The following DPP10 variants were observed in gnomAD, a reference collection of about 807,000 sequenced individuals.
DPP10 encodes dipeptidyl peptidase like 10.
A neutral mutation model predicts 120.9 loss-of-function variants in DPP10; 33 were observed. The observed-to-expected ratio is 0.27, with a 90% CI of 0.21 to 0.37. DPP10 has a LOEUF of 0.37. DPP10 is among the 10% of genes least tolerant of loss of function. The pLI is 1.00. For synonymous variants in DPP10, 337 were observed against 326.1 expected (o/e 1.03, Z -0.36); for missense variants, 816 against 942.8 (o/e 0.87, Z 1.76).
chr2:115,076,092 T>A (rs1369393324), intron 1 of DPP10, among the ~76,000 whole-genome samples: 1 of 152,122 alleles, frequency 6.6e-6, no homozygotes, highest in African/African-American at 2.4e-5. Flanking sequence ...CACATCTACC[T>A]TATAAAGATT....
chr2:115,380,311 C>T (rs192538752), intron 3 of DPP10, among the ~76,000 whole-genome samples: 1,713 of 152,186 alleles, frequency 0.011, 28 homozygotes, highest in African/African-American at 0.039. Context: ...ATTTAATGGC[C>T]TTCTTTGTCT....
intron 1 of DPP10, among the ~76,000 whole-genome samples, chr2:115,040,301 A>C (rs1393853542): frequency 6.6e-6 from 1 of 151,928 alleles, no homozygotes; most frequent in Admixed American, 6.6e-5. Flanking sequence ...CTGTGGGTAA[A>C]GTCCTTCTTC....
chr2:115,501,245 A>G (rs1293466170), intron 4 of DPP10, among the ~76,000 whole-genome samples: 2 of 152,052 alleles, frequency 1.3e-5, no homozygotes, highest in East Asian at 1.9e-4. Flanking sequence ...GTTTTCCCCC[A>G]TCACTAATTA....
At chr2:114,854,510 A>G (rs1689217840) in intron 1 of DPP10, among the ~76,000 whole-genome samples, 1 of 152,100 alleles carries the variant, frequency 6.6e-6, no homozygotes, top group South Asian at 2.1e-4. Context: ...TTGGCATTAC[A>G]CTCTCTGTCG....
chr2:115,295,299 G>A (rs1004630821), intron 1 of DPP10, among the ~76,000 whole-genome samples: 2 of 152,076 alleles, frequency 1.3e-5, no homozygotes, highest in Admixed American at 1.3e-4. Context: ...CAAATGATGT[G>A]AAATGCATAC....
At chr2:115,084,189 C>T (rs951000338) in intron 1 of DPP10, among the ~76,000 whole-genome samples, 6 of 152,158 alleles carry the variant, frequency 3.9e-5, no homozygotes, top group Non-Finnish European at 7.4e-5. Flanking sequence ...TCTGTGAAGT[C>T]AAGTACTGTA....
chr2:114,704,572 A>G (rs1056311092), intron 1 of DPP10, among the ~76,000 whole-genome samples: 41 of 152,336 alleles, frequency 2.7e-4, no homozygotes, highest in African/African-American at 9.1e-4. Flanking sequence ...TTGCAGGGTC[A>G]TTATGGCCCA....
chr2:115,165,664 A>T lies in DPP10; in HGVS notation c.61-143575A>T, dbSNP rs1396169573. Reference sequence around the variant, plus strand: ...ACGTTTGTTAAATGAGTATATATATATTTTTAATGGTCAATCAGACAAGGT... The same window carrying T: ...ACGTTTGTTAAATGAGTATATATATTTTTTTAATGGTCAATCAGACAAGGT... On this transcript the variant is annotated intron_variant, in intron 1 of 25. Coordinates refer to ENST00000410059, the MANE Select transcript of DPP10 (RefSeq NM_020868.6). 2.6e-5 allele frequency among the ~76,000 whole-genome samples: 4 copies of T among 152,116 alleles called. No homozygotes were observed. The East Asian group carries it at 7.7e-4, about 29-fold the overall frequency.
intron 2 of DPP10, among the ~76,000 whole-genome samples, chr2:115,332,877 G>T (rs2062843281): frequency 6.6e-6 from 1 of 152,066 alleles, no homozygotes; most frequent in Non-Finnish European, 1.5e-5. Context: ...GGTGTGGTGT[G>T]GTGCTGAAAA....
chr2:115,352,693 A>T (rs10496489), intron 3 of DPP10, among the ~76,000 whole-genome samples: 1 of 151,928 alleles, frequency 6.6e-6, no homozygotes, highest in African/African-American at 2.4e-5. Flanking sequence ...CTCATTGAGC[A>T]CAAATCTTTC....
At chr2:114,619,005 A>G (rs1693881977) in intron 1 of DPP10, among the ~76,000 whole-genome samples, 1 of 152,014 alleles carries the variant, frequency 6.6e-6, no homozygotes, top group Non-Finnish European at 1.5e-5. Context: ...ATTAGCAATA[A>G]TATTTAACAA....
At chr2:115,328,489 C>T (rs1342853415) in intron 2 of DPP10, among the ~76,000 whole-genome samples, 2 of 151,994 alleles carry the variant, frequency 1.3e-5, no homozygotes, top group Non-Finnish European at 2.9e-5. Flanking sequence ...CCTAAAGGTA[C>T]ATTTCTTATT....
intron 1 of DPP10, among the ~76,000 whole-genome samples, chr2:115,244,413 T>C (rs969692423): frequency 6.6e-6 from 1 of 151,878 alleles, no homozygotes; most frequent in African/African-American, 2.4e-5. Context: ...AAAATGTTTC[T>C]GGCATTATAA....
At chr2:115,169,902 A>G (rs572870519) in intron 1 of DPP10, among the ~76,000 whole-genome samples, 41 of 152,172 alleles carry the variant, frequency 2.7e-4, no homozygotes, top group Admixed American at 9.2e-4. Flanking sequence ...AGCTATTTTT[A>G]TTATTCTTAT....
At position 115,042,818 on chromosome 2, in the gene DPP10, C is replaced by T. The variant is rs116540141; in HGVS notation, c.61-266421C>T. Reference sequence around the variant, plus strand: ...TATGTTGATATTTCCTTACTGGTAGCAGTATTCCTCTTCCCACCTCATAGT... The same window carrying T: ...TATGTTGATATTTCCTTACTGGTAGTAGTATTCCTCTTCCCACCTCATAGT... On this transcript the variant is annotated intron_variant, in intron 1 of 25. Coordinates refer to ENST00000410059, the MANE Select transcript of DPP10 (RefSeq NM_020868.6). Among the ~76,000 whole-genome samples the T allele has an allele frequency of 6.3e-3, 961 of 152,276 alleles. 7 individuals carry two copies. Among genetic ancestry groups the T allele is most frequent in the African/African-American group, 0.022 (901 of 41,548 alleles).
chr2:115,351,464 C>A (rs1230425964), intron 3 of DPP10, among the ~76,000 whole-genome samples: 1 of 152,016 alleles, frequency 6.6e-6, no homozygotes, highest in African/African-American at 2.4e-5. Flanking sequence ...AAGTCCAAAT[C>A]TCAGTATCAT....
chr2:115,287,450 C>T (rs1456317338), intron 1 of DPP10, among the ~76,000 whole-genome samples: 4 of 152,032 alleles, frequency 2.6e-5, no homozygotes, highest in African/African-American at 9.7e-5. Flanking sequence ...CCCTCCTGAA[C>T]TTCTTTCCTC....
At chr2:115,402,873 A>G (rs896805545) in intron 3 of DPP10, among the ~76,000 whole-genome samples, 5 of 118,308 alleles carry the variant, frequency 4.2e-5, no homozygotes, top group Admixed American at 8.6e-5. Flanking sequence ...ATATATATAT[A>G]TATGTGTGTG....
At chr2:115,662,596 A>C (rs1218743356) in intron 5 of DPP10, among the ~76,000 whole-genome samples, 2 of 152,164 alleles carry the variant, frequency 1.3e-5, no homozygotes, top group Non-Finnish European at 2.9e-5. Context: ...ATATCACCTC[A>C]TACCTGTTAG....
Sources: gnomAD v4.1 joint callset for allele counts (sites outside exome capture counted in the v4.1 genomes callset) on GRCh38, gnomAD v4.1.1 for gene constraint, MANE v1.5 for transcripts, NCBI Gene and HGNC (gene_info 2026-07-23, HGNC 2026-07-21) for gene names.